Variants in SHISA5 observed in about 807,000 individuals in gnomAD.
SHISA5 encodes the protein shisa family member 5, also known as protein shisa-5.
In SHISA5, 21 loss-of-function variants were observed where a neutral mutation model predicts 27.5. That is an observed-to-expected ratio of 0.76 (90% confidence interval 0.54 to 1.10). The LOEUF (loss-of-function observed/expected upper bound fraction) is 1.10. Among genes scored for constraint, SHISA5 ranks in the 50% least tolerant of loss-of-function variants. SHISA5 has a pLI of 0.00. For synonymous variants in SHISA5, 137 were observed against 142.2 expected, an observed-to-expected ratio of 0.96 and a Z score of 0.26; for missense variants, 314 against 336.3, an observed-to-expected ratio of 0.93 and a Z score of 0.52.
At chr3:48,485,531 A>AAT (rs1019399068) in intron 2 of SHISA5, among the ~76,000 whole-genome samples, 4 of 143,566 alleles carry the variant, frequency 2.8e-5, no homozygotes, top group Non-Finnish European at 6.0e-5. Context: ...ATATATATTA[A>AAT]ATATATATAT....
chr3:48,487,571 T>C (rs2041288531), intron 2 of SHISA5, among the ~76,000 whole-genome samples: 1 of 152,138 alleles, frequency 6.6e-6, no homozygotes. Flanking sequence ...TTTTTTACTA[T>C]ACTGACCTTG....
chr3:48,496,440 C>T (rs1157737926), intron 2 of SHISA5, among the ~76,000 whole-genome samples: 1 of 151,616 alleles, frequency 6.6e-6, no homozygotes. Context: ...AAAAATAATA[C>T]AAAAAATTAG....
At chr3:48,486,320 A>G (rs1230169289) in intron 2 of SHISA5, among the ~76,000 whole-genome samples, 1 of 86,614 alleles carries the variant, frequency 1.2e-5, no homozygotes, top group African/African-American at 6.8e-5. Context: ...AATATATAAT[A>G]CATTATGTTA....
chr3:48,499,197 G>A (rs935530732), intron 2 of SHISA5, among the ~76,000 whole-genome samples: 4 of 151,498 alleles, frequency 2.6e-5, no homozygotes, highest in South Asian at 2.1e-4. Flanking sequence ...TTTTTGAGTC[G>A]AGGTCTCACT....
rs1323515852 is a variant in SHISA5 at position 48,495,830 on chromosome 3, C to T, written c.233+5307G>A. 4.1e-5 allele frequency among the ~76,000 whole-genome samples: 6 copies of T among 146,922 alleles called. 1 individual carries two copies. The highest frequency in any genetic ancestry group is 1.3e-4 in the African/African-American group (5 of 37,146). On this transcript the variant is annotated intron_variant, in intron 2 of 5. Transcript: ENST00000296444. Reference sequence around the variant, plus strand: ...GCCACCACACCCAAACAGTTTTCCACATTTATGTATCAATAAACAATTAGA... The same window carrying T: ...GCCACCACACCCAAACAGTTTTCCATATTTATGTATCAATAAACAATTAGA...
intron 2 of SHISA5, among the ~76,000 whole-genome samples, chr3:48,486,597 A>ATT (rs1362011966): frequency 7.6e-6 from 1 of 132,402 alleles, no homozygotes; most frequent in African/African-American, 2.8e-5. Flanking sequence ...ATATATATAG[A>ATT]TTATATATAT....
chr3:48,491,176 T>G (rs1304557959), intron 2 of SHISA5, among the ~76,000 whole-genome samples: 1 of 150,328 alleles, frequency 6.7e-6, no homozygotes, highest in Non-Finnish European at 1.5e-5. Context: ...TGGAGTGCAG[T>G]GGCGTGATCT....
intron 2 of SHISA5, among the ~76,000 whole-genome samples, chr3:48,499,233 G>T (rs571346950): frequency 6.6e-6 from 1 of 152,132 alleles, no homozygotes; most frequent in South Asian, 2.1e-4. Context: ...GAGTGCAGTG[G>T]CACCAATCAC....
intron 2 of SHISA5, among the ~76,000 whole-genome samples, chr3:48,489,739 C>G (rs1352075567): frequency 2.0e-5 from 3 of 150,570 alleles, no homozygotes; most frequent in Non-Finnish European, 3.0e-5. Context: ...GCAATCCTCC[C>G]ACCTCAGCCT....
At chr3:48,471,418 C>T (rs1176888298) in intron 3 of SHISA5, among the ~76,000 whole-genome samples, 1 of 59,894 alleles carries the variant, frequency 1.7e-5, no homozygotes, top group Admixed American at 2.0e-4. Context: ...CCCGTCTCTA[C>T]TAAAAATTAG....
In SHISA5 at chr3:48,469,042, G is replaced by A. The variant is rs3135955; in HGVS notation, c.*65C>T. 12,497 of 1,608,472 alleles carry A rather than the reference G, an allele frequency of 7.8e-3. 619 individuals are homozygous for A. The African/African-American group carries it at 0.12, about 16-fold the overall frequency. ...GCACACATGGGGCGTAAGGAACCGC[G>A]CCTGCACACCACTCACGCACACACA... On this transcript the variant is annotated 3_prime_UTR_variant, in exon 6 of 6. Transcript: ENST00000296444. The surrounding 1 kb of genome is among the most constrained non-coding windows in gnomAD (Gnocchi z 4.6).
rs2040411192 is a variant in SHISA5 at position 48,467,898 on chromosome 3, A to G, written c.*1209T>C. 1 of 471,376 alleles carries G rather than the reference A, an allele frequency of 2.1e-6. No individual in the cohort carries two copies. Among genetic ancestry groups the G allele is most frequent in the African/African-American group, 1.9e-5 (1 of 51,316 alleles). The allele number at this position is 471,376 out of a possible 1,614,324, so 29.2% of individuals were successfully genotyped here. A position where few individuals can be genotyped will look rare whatever the true frequency, so the allele number is the denominator to read the frequency against. On this transcript the variant is annotated 3_prime_UTR_variant, in exon 6 of 6. Transcript: ENST00000296444. ...AGCTCCAAACGATTGCATTTATTAT[A>G]AACAAGTGTACAGACCCTAGACTCA...
intron 3 of SHISA5, 149 bp downstream of exon 3, chr3:48,479,028 A>AGATAT: frequency 1.4e-6 from 1 of 689,850 alleles, no homozygotes; most frequent in Middle Eastern, 4.0e-4. Context: ...CATAAGGAGC[A>AGATAT]AGTGTCCTAG....
intron 2 of SHISA5, among the ~76,000 whole-genome samples, chr3:48,497,480 C>A (rs1366327395): frequency 6.6e-6 from 1 of 151,264 alleles, no homozygotes; most frequent in Admixed American, 6.6e-5. Flanking sequence ...CCAGGCAGGT[C>A]TTGATCTCCT....
rs984882296 is a variant in SHISA5 at position 48,495,558 on chromosome 3, G to A, written c.233+5579C>T. ...GGGCAGGGATGGAGTCTCTCTCTCT[G>A]TTGCCCAGGCTAGAGTACAGTGACA... On this transcript the variant is annotated intron_variant, in intron 2 of 5. Coordinates refer to ENST00000296444, the MANE Select transcript of SHISA5 (RefSeq NM_016479.6). 3.4e-5 allele frequency among the ~76,000 whole-genome samples: 5 copies of A among 146,582 alleles called. 1 individual carries two copies. The South Asian group carries it at 1.1e-3, about 31-fold the overall frequency.
At chr3:48,497,553 ACC>A (rs947125217) in intron 2 of SHISA5, among the ~76,000 whole-genome samples, 24 of 151,120 alleles carry the variant, frequency 1.6e-4, no homozygotes, top group African/African-American at 5.8e-4. Flanking sequence ...GAGCCACCGC[ACC>A]CGGCCAGAAA....
chr3:48,479,969 T>C (rs1331572263), intron 2 of SHISA5, among the ~76,000 whole-genome samples: 1 of 150,724 alleles, frequency 6.6e-6, no homozygotes, highest in Non-Finnish European at 1.5e-5. Flanking sequence ...GGTGGCGCGA[T>C]CTCGGCTCAC....
chr3:48,492,111 C>T (rs2041445962), intron 2 of SHISA5, among the ~76,000 whole-genome samples: 1 of 136,312 alleles, frequency 7.3e-6, no homozygotes, highest in Non-Finnish European at 1.5e-5. Context: ...TGAGATTGTG[C>T]CACTCCACTC....
intron 3 of SHISA5, 49 bp downstream of exon 3, chr3:48,479,128 C>T: frequency 5.8e-6 from 9 of 1,543,030 alleles, no homozygotes; most frequent in Non-Finnish European, 7.9e-6. Context: ...CCTGAGCCCT[C>T]TTGTCACCTT....
Sources: allele counts gnomAD v4.1 joint callset (sites outside exome capture counted in the v4.1 genomes callset), GRCh38; gene constraint gnomAD v4.1.1; non-coding constraint Gnocchi (gnomAD v3.1); transcripts MANE v1.5; gene names NCBI Gene and HGNC (gene_info 2026-07-23, HGNC 2026-07-21).